The following DIRAS2 variants were observed in gnomAD, a reference collection of about 807,000 sequenced individuals.
DIRAS2 encodes GTP-binding protein Di-Ras2.
Under a neutral mutation model 13.9 loss-of-function variants are expected in DIRAS2, and 5 were observed. The ratio of observed to expected loss-of-function variants is 0.36; its 90% confidence interval spans 0.19 to 0.76. The LOEUF is 0.76. Among genes scored for constraint, DIRAS2 ranks in the 30% least tolerant of loss-of-function variants. The probability of loss-of-function intolerance (pLI) is 0.53; values close to 1 mark genes in which losing one functional copy is unlikely to be tolerated. For missense variants in DIRAS2, 191 were observed against 263.0 expected (o/e 0.73, Z 1.89); for synonymous variants, 111 against 105.4 (o/e 1.05, Z -0.33).
At position 90,613,054 on chromosome 9, in the gene DIRAS2, G is replaced by T. The variant is rs1825130631; in HGVS notation, c.*174C>A. 9 of 840,376 alleles carry T rather than the reference G, an allele frequency of 1.1e-5. No homozygotes were observed. The highest frequency in any genetic ancestry group is 3.7e-4 in the Middle Eastern group (1 of 2,690). 52.1% of individuals were successfully genotyped at this position (840,376 alleles called of 1,614,324 possible). On this transcript the variant is annotated 3_prime_UTR_variant, in exon 2 of 2. Coordinates refer to ENST00000375765, the MANE Select transcript of DIRAS2 (RefSeq NM_017594.5). This position sits in a 1 kb window ranked among gnomAD's most constrained non-coding sequence, Gnocchi z 5.6. ...TGGCAGATTCTGTGACTCCAGAGTG[G>T]GTGGCTTACTGTTGGTGGTGTGAAA... is the stretch of plus-strand genomic sequence containing the variant.
At chr9:90,628,860 CTT>C (rs71360440) in intron 1 of DIRAS2, among the ~76,000 whole-genome samples, 1 of 147,828 alleles carries the variant, frequency 6.8e-6, no homozygotes, top group Admixed American at 6.7e-5. Flanking sequence ...AAATATATTA[CTT>C]TTTTTTTTTT....
In DIRAS2 at chr9:90,609,947, T is replaced by A. The variant is rs7854469; in HGVS notation, c.*3281A>T. On this transcript the variant is annotated 3_prime_UTR_variant, in exon 2 of 2. Transcript: ENST00000375765. ...TTATAACCGCAGAGTAAATAAAATATAATAGAGAATAGACTTGTAACAATA... is the reference window on the plus strand; with the variant it reads ...TTATAACCGCAGAGTAAATAAAATAAAATAGAGAATAGACTTGTAACAATA... The A allele has an allele frequency of 0.12, 18,544 of 152,502 alleles. 1,223 individuals are homozygous for A. Among genetic ancestry groups the A allele is most frequent in the East Asian group, 0.21 (1,088 of 5,192 alleles). The allele number at this position is 152,502 out of a possible 1,614,324, so 9.4% of individuals were successfully genotyped here.
Position 90,613,668 on chromosome 9 carries a change from T to C in DIRAS2, c.160A>G (p.Ile54Val). The change falls in exon 2 of 2, where the codon ATA becomes GTA. Residue 54 changes from isoleucine to valine, a missense_variant. Physicochemically the swap from Ile to Val is conservative, Grantham distance 29 (BLOSUM62 3). Coordinates refer to ENST00000375765, the MANE Select transcript of DIRAS2 (RefSeq NM_017594.5). The surrounding 1 kb of genome is among the most constrained non-coding windows in gnomAD (Gnocchi z 5.6). ...YRQVISCDKS[I>V]CTLQITDTTG... Reference sequence around the variant, plus strand: ...GTGTCGGTGATCTGCAATGTGCATATGCTCTTGTCACAGCTGATCACTTGC... The same window carrying C: ...GTGTCGGTGATCTGCAATGTGCATACGCTCTTGTCACAGCTGATCACTTGC... 1 of 1,614,158 alleles carries C rather than the reference T, an allele frequency of 6.2e-7. No homozygotes were observed. Among genetic ancestry groups the C allele is most frequent in the South Asian group, 1.1e-5 (1 of 91,072 alleles).
At chr9:90,620,032 G>A (rs1252001178) in intron 1 of DIRAS2, among the ~76,000 whole-genome samples, 1 of 152,052 alleles carries the variant, frequency 6.6e-6, no homozygotes. Flanking sequence ...GGGAGGGTGG[G>A]GTAGGGACTG....
intron 1 of DIRAS2, among the ~76,000 whole-genome samples, chr9:90,636,139 G>A (rs1388212926): frequency 2.2e-5 from 3 of 135,490 alleles, no homozygotes; most frequent in Non-Finnish European, 3.1e-5. Context: ...CCGGGTTCAC[G>A]CCATTCTCCT....
At chr9:90,625,451 A>G (rs1825259828) in intron 1 of DIRAS2, among the ~76,000 whole-genome samples, 1 of 152,186 alleles carries the variant, frequency 6.6e-6, no homozygotes, top group African/African-American at 2.4e-5. Flanking sequence ...TTATGGTTTC[A>G]GTTCTTATGT....
At chr9:90,638,885 C>G (rs1825394307) in intron 1 of DIRAS2, among the ~76,000 whole-genome samples, 1 of 151,998 alleles carries the variant, frequency 6.6e-6, no homozygotes, top group Non-Finnish European at 1.5e-5. Context: ...CAAAAGTGCT[C>G]CAATAAAACA....
At position 90,622,276 on chromosome 9, in the gene DIRAS2, T is replaced by TCATACATA. The variant is rs34592137; in HGVS notation, c.-36-8421_-36-8414dup. Among the ~76,000 whole-genome samples the TCATACATA allele has an allele frequency of 2.0e-4, 31 of 151,530 alleles. No individual in the cohort carries two copies. In the South Asian group the frequency reaches 2.7e-3, roughly 13 times the overall value. On this transcript the variant is annotated intron_variant, in intron 1 of 1. Transcript: ENST00000375765. ...CAAATAAATAAATAAATACATACAT[T>TCATACATA]CATACATACATACATACATACCCTA... is the stretch of plus-strand genomic sequence containing the variant.
intron 1 of DIRAS2, among the ~76,000 whole-genome samples, chr9:90,642,545 T>A (rs1193956004): frequency 6.6e-6 from 1 of 152,168 alleles, no homozygotes; most frequent in African/African-American, 2.4e-5. Flanking sequence ...AGAACATGTT[T>A]TAGACAAGGA....
intron 1 of DIRAS2, among the ~76,000 whole-genome samples, chr9:90,621,320 G>A (rs1218469482): frequency 6.6e-6 from 1 of 152,142 alleles, no homozygotes; most frequent in African/African-American, 2.4e-5. Flanking sequence ...TAGATCTGGT[G>A]ATGGATAACT....
intron 1 of DIRAS2, among the ~76,000 whole-genome samples, chr9:90,614,748 GA>G (rs749028892): frequency 1.3e-5 from 2 of 152,116 alleles, no homozygotes; most frequent in Non-Finnish European, 2.9e-5. Context: ...TTATTTTTAA[GA>G]AACATAAGGA....
chr9:90,628,794 C>G lies in DIRAS2; in HGVS notation c.-37+13958G>C, dbSNP rs369179856. Among the ~76,000 whole-genome samples the G allele has an allele frequency of 3.7e-4, 57 of 152,274 alleles. No homozygotes were observed. The East Asian group carries it at 5.2e-3, about 14-fold the overall frequency. ...AATGCTGGGCTCAAGCAATCCACTT[C>G]CCTCGGCCTCCCAAAGTGGTGGGAT... On this transcript the variant is annotated intron_variant, in intron 1 of 1. Transcript: ENST00000375765.
rs531265577 is a variant in DIRAS2, at chr9:90,611,772, G to A, written c.*1456C>T. On this transcript the variant is annotated 3_prime_UTR_variant, in exon 2 of 2. Coordinates refer to ENST00000375765, the MANE Select transcript of DIRAS2 (RefSeq NM_017594.5). ...CGGGTGACAGGAAGACTGCTGAGAG[G>A]ATGATGCCACAGTTGGGGCCAGTAA... 1 of 152,314 alleles carries A rather than the reference G, an allele frequency of 6.6e-6. No individual in the cohort carries two copies. The highest frequency in any genetic ancestry group is 1.5e-5 in the Non-Finnish European group (1 of 68,114). The allele number at this position is 152,314 out of a possible 1,614,324, so 9.4% of individuals were successfully genotyped here.
intron 1 of DIRAS2, among the ~76,000 whole-genome samples, chr9:90,630,096 C>A (rs1166109580): frequency 6.6e-6 from 1 of 152,254 alleles, no homozygotes; most frequent in South Asian, 2.1e-4. Context: ...CTCCTACTCC[C>A]TACTCGAATA....
intron 1 of DIRAS2, among the ~76,000 whole-genome samples, chr9:90,628,308 T>A (rs1825290880): frequency 1.3e-5 from 2 of 152,158 alleles, no homozygotes; most frequent in African/African-American, 4.8e-5. Flanking sequence ...GAATAAAAAA[T>A]TGTTTTTAAC....
rs1254353983 is a variant in DIRAS2, at chr9:90,610,831, T to C, written c.*2397A>G. On this transcript the variant is annotated 3_prime_UTR_variant, in exon 2 of 2. Coordinates refer to ENST00000375765, the MANE Select transcript of DIRAS2 (RefSeq NM_017594.5). ...AAAATATGAAGGAAAAAATGTGTCC[T>C]GAATGAAATCAGACTTTCAGTAATT... is the stretch of plus-strand genomic sequence containing the variant. 1 of 161,748 alleles carries C rather than the reference T, an allele frequency of 6.2e-6. No individual in the cohort carries two copies. The allele number at this position is 161,748 out of a possible 1,614,324, so 10.0% of individuals were successfully genotyped here. A position where few individuals can be genotyped will look rare whatever the true frequency, so the allele number is the denominator to read the frequency against.
rs118153920 is a variant in DIRAS2, at chr9:90,636,885, A to G, written c.-37+5867T>C. Among the ~76,000 whole-genome samples the G allele has an allele frequency of 5.3e-5, 8 of 152,354 alleles. No homozygotes were observed. The East Asian group carries it at 1.5e-3, about 29-fold the overall frequency. ...GTTGAAAATATCACGTCAAAAATGCATTTAATACAACTAACCTACTGTATA... is the reference window on the plus strand; with the variant it reads ...GTTGAAAATATCACGTCAAAAATGCGTTTAATACAACTAACCTACTGTATA... On this transcript the variant is annotated intron_variant, in intron 1 of 1. Coordinates refer to ENST00000375765, the MANE Select transcript of DIRAS2 (RefSeq NM_017594.5).
Position 90,613,955 on chromosome 9 carries a change from A to G in DIRAS2, c.-36-92T>C. The G allele has an allele frequency of 4.1e-6, 5 of 1,217,476 alleles. No individual in the cohort carries two copies. The highest frequency in any genetic ancestry group is 5.6e-6 in the Non-Finnish European group (5 of 893,528). 75.4% of individuals were successfully genotyped at this position (1,217,476 alleles called of 1,614,324 possible). A position where few individuals can be genotyped will look rare whatever the true frequency, so the allele number is the denominator to read the frequency against. ...TCTACCCTCTTTTGATAGCTTAAAA[A>G]TGGGAGGTGATAACATTTAAAATAG... On this transcript the variant is annotated intron_variant, in intron 1 of 1. Coordinates refer to ENST00000375765, the MANE Select transcript of DIRAS2 (RefSeq NM_017594.5). This position sits in a 1 kb window ranked among gnomAD's most constrained non-coding sequence, Gnocchi z 5.6.
In DIRAS2 at chr9:90,613,962, GT is replaced by G; in HGVS notation, c.-36-100del. On this transcript the variant is annotated intron_variant, in intron 1 of 1. Coordinates refer to ENST00000375765, the MANE Select transcript of DIRAS2 (RefSeq NM_017594.5). This position sits in a 1 kb window ranked among gnomAD's most constrained non-coding sequence, Gnocchi z 5.6. ...TCTTTTGATAGCTTAAAAATGGGAG[GT>G]GATAACATTTAAAATAGCGACAATT... 1 of 1,174,346 alleles carries G rather than the reference GT, an allele frequency of 8.5e-7. No individual in the cohort carries two copies. Among genetic ancestry groups the G allele is most frequent in the South Asian group, 1.8e-5 (1 of 55,938 alleles). 72.7% of individuals were successfully genotyped at this position (1,174,346 alleles called of 1,614,324 possible).
Sources: gnomAD v4.1 joint callset for allele counts (sites outside exome capture counted in the v4.1 genomes callset) on GRCh38, gnomAD v4.1.1 for gene constraint, Gnocchi (gnomAD v3.1) non-coding constraint, MANE v1.5 for transcripts, NCBI Gene and HGNC (gene_info 2026-07-23, HGNC 2026-07-21) for gene names.